Variants in SEPTIN9 observed in about 807,000 individuals in gnomAD.
SEPTIN9 encodes septin-9.
A neutral mutation model predicts 56.6 loss-of-function variants in SEPTIN9; 13 were observed. The ratio of observed to expected loss-of-function variants is 0.23; its 90% CI spans 0.15 to 0.37. The LOEUF (loss-of-function observed/expected upper bound fraction) is 0.37, where lower values mean the gene tolerates loss of function less well. Ranked by LOEUF, SEPTIN9 falls within the 10% of genes least tolerant of loss-of-function variation. The pLI is 1.00. For synonymous variants in SEPTIN9, 332 were observed against 334.1 expected (o/e 0.99, Z 0.07); for missense variants, 650 against 823.1 (o/e 0.79, Z 2.57).
chr17:77,302,580 AG>A (rs1463877957), intron 1 of SEPTIN9, among the ~76,000 whole-genome samples: 1 of 152,180 alleles, frequency 6.6e-6, no homozygotes, highest in Non-Finnish European at 1.5e-5. Context: ...CAGGAGGTTG[AG>A]GCAGGAGAAT....
At position 77,447,159 on chromosome 17, in the gene SEPTIN9, A is replaced by G. The variant is rs34163382; in HGVS notation, c.722-34985A>G. On this transcript the variant is annotated intron_variant, in intron 3 of 11. Transcript: ENST00000427177. ...CTGTGTGACTTTAAAATAAATAAAC[A>G]TGAGCACGATGAGTTGCTTATTGGA... 7.1e-3 allele frequency: 1,179 copies of G among 167,144 alleles called. 19 individuals are homozygous for G. The highest frequency in any genetic ancestry group is 0.056 in the South Asian group (273 of 4,832). The allele number at this position is 167,144 out of a possible 1,614,324, so 10.4% of individuals were successfully genotyped here.
intron 2 of SEPTIN9, among the ~76,000 whole-genome samples, chr17:77,396,517 C>T (rs1046776612): frequency 6.6e-6 from 1 of 152,142 alleles, no homozygotes; most frequent in Non-Finnish European, 1.5e-5. Flanking sequence ...GGACCTGCTA[C>T]CCCTGGGCAG....
chr17:77,357,019 C>T (rs1275176747), intron 2 of SEPTIN9, among the ~76,000 whole-genome samples: 3 of 151,870 alleles, frequency 2.0e-5, no homozygotes, highest in East Asian at 2.0e-4. Flanking sequence ...CGTCCAGAAG[C>T]ATCAACCTGG....
At chr17:77,337,018 T>TA (rs942894048) in intron 2 of SEPTIN9, among the ~76,000 whole-genome samples, 219 of 132,618 alleles carry the variant, frequency 1.7e-3, no homozygotes, top group African/African-American at 5.6e-3. Flanking sequence ...TTTTTTTTTT[T>TA]AAAGAAACAG....
At chr17:77,303,715 T>C (rs1166076123) in intron 1 of SEPTIN9, among the ~76,000 whole-genome samples, 1 of 150,012 alleles carries the variant, frequency 6.7e-6, no homozygotes, top group African/African-American at 2.5e-5. Context: ...AATAATAATA[T>C]CACTTATTGA....
chr17:77,462,814 G>C (rs12450489), intron 3 of SEPTIN9, among the ~76,000 whole-genome samples: 9,943 of 152,078 alleles, frequency 0.065, 491 homozygotes, highest in Admixed American at 0.14. Context: ...GCTGATTTTT[G>C]TATTTTTAGT....
Position 77,500,289 on chromosome 17 carries a change from GT to G in SEPTIN9, c.*1636del. On this transcript the variant is annotated 3_prime_UTR_variant, in exon 12 of 12. Coordinates refer to ENST00000427177, the MANE Select transcript of SEPTIN9 (RefSeq NM_001113491.2). ...ACAGTTTACTTTGCCAACTTGCCAT[GT>G]TTTTGCCAAAACCAAGATTTTGAAG... The G allele has an allele frequency of 5.4e-6, 1 of 184,172 alleles. No homozygotes were observed. Among genetic ancestry groups the G allele is most frequent in the Non-Finnish European group, 1.1e-5 (1 of 88,510 alleles). 11.4% of individuals were successfully genotyped at this position (184,172 alleles called of 1,614,324 possible). A position where few individuals can be genotyped will look rare whatever the true frequency, so the allele number is the denominator to read the frequency against.
chr17:77,338,022 C>T (rs1402671282), intron 2 of SEPTIN9, among the ~76,000 whole-genome samples: 1 of 152,040 alleles, frequency 6.6e-6, no homozygotes, highest in East Asian at 1.9e-4. Context: ...CATGGTGAAA[C>T]CTCATCTCTA....
chr17:77,398,223 C>T (rs980248280), intron 2 of SEPTIN9, among the ~76,000 whole-genome samples: 4 of 152,118 alleles, frequency 2.6e-5, no homozygotes, highest in Non-Finnish European at 5.9e-5. Context: ...GATCTGTCCA[C>T]CTTGGCTTCC....
chr17:77,288,360 C>T, intron 1 of SEPTIN9: 1 of 346,862 alleles, frequency 2.9e-6, no homozygotes. Context: ...TCCCTGAATG[C>T]CATGCCTGGG....
At chr17:77,388,549 C>A (rs182681246) in intron 2 of SEPTIN9, among the ~76,000 whole-genome samples, 1 of 152,210 alleles carries the variant, frequency 6.6e-6, no homozygotes, top group African/African-American at 2.4e-5. Context: ...CCCAGCTTGG[C>A]GCGCTTTGGA....
rs772897487 is a variant in SEPTIN9, at chr17:77,497,350, C to A, written c.1609C>A (p.Arg537=). 1.2e-6 allele frequency: 2 copies of A among 1,613,774 alleles called. No homozygotes were observed. The highest frequency in any genetic ancestry group is 2.2e-5 in the South Asian group (2 of 90,992). The change falls in exon 11 of 12, where the codon CGG becomes AGG. Residue 537 remains arginine, a synonymous_variant. Transcript: ENST00000427177. ...CACACACTGTGAGTTTGCCTACCTG[C>A]GGGACCTTCTCATCAGGTGAGAGAC... ...NTTHCEFAYL[R]DLLIRTHMQN...
chr17:77,295,136 C>T lies in SEPTIN9; in HGVS notation c.20-12005C>T, dbSNP rs572282759. Among the ~76,000 whole-genome samples the T allele has an allele frequency of 1.1e-4, 16 of 152,214 alleles. No homozygotes were observed. The East Asian group carries it at 2.1e-3, about 20-fold the overall frequency. ...GCAGGAACTCAAGACTGGAAATGAACGGGGACGTTAATTGATTGTAGGGAA... is the reference window on the plus strand; with the variant it reads ...GCAGGAACTCAAGACTGGAAATGAATGGGGACGTTAATTGATTGTAGGGAA... On this transcript the variant is annotated intron_variant, in intron 1 of 11. Coordinates refer to ENST00000427177, the MANE Select transcript of SEPTIN9 (RefSeq NM_001113491.2).
At chr17:77,349,629 C>T (rs1470310215) in intron 2 of SEPTIN9, among the ~76,000 whole-genome samples, 2 of 152,208 alleles carry the variant, frequency 1.3e-5, no homozygotes, top group East Asian at 3.8e-4. Context: ...TTGCTCAGTA[C>T]CTACCTCTGG....
intron 2 of SEPTIN9, among the ~76,000 whole-genome samples, chr17:77,328,212 G>A (rs2033221247): frequency 6.6e-6 from 1 of 152,118 alleles, no homozygotes; most frequent in Non-Finnish European, 1.5e-5. Flanking sequence ...GTGTCCCCAT[G>A]CCCAGGCACT....
chr17:77,322,876 T>A (rs1337486512), intron 2 of SEPTIN9: 1 of 152,362 alleles, frequency 6.6e-6, no homozygotes, highest in African/African-American at 2.4e-5. Flanking sequence ...GGAGGAGCCA[T>A]GGGGAGGACG....
rs374061936 is a variant in SEPTIN9 at position 77,487,588 on chromosome 17, C to A, written c.1042+36C>A. On this transcript the variant is annotated intron_variant, in intron 5 of 11. Transcript: ENST00000427177. This position sits in a 1 kb window ranked among gnomAD's most constrained non-coding sequence, Gnocchi z 4.3. Reference sequence around the variant, plus strand: ...GGGAGTGGGCTGGGGGTGCAGGACGCCCCTGCCTTCCTGGAGCACAGGGGT... The same window carrying A: ...GGGAGTGGGCTGGGGGTGCAGGACGACCCTGCCTTCCTGGAGCACAGGGGT... The A allele has an allele frequency of 1.1e-5, 18 of 1,600,670 alleles. No individual in the cohort carries two copies. The African/African-American group carries it at 2.1e-4, about 18-fold the overall frequency.
At chr17:77,311,664 G>A (rs779338749) in intron 2 of SEPTIN9, among the ~76,000 whole-genome samples, 1 of 152,184 alleles carries the variant, frequency 6.6e-6, no homozygotes, top group Non-Finnish European at 1.5e-5. Flanking sequence ...GACAGAAAAT[G>A]CCAGAAGGGT....
intron 1 of SEPTIN9, among the ~76,000 whole-genome samples, chr17:77,298,551 C>A (rs901565270): frequency 3.5e-4 from 54 of 152,154 alleles, no homozygotes; most frequent in African/African-American, 1.3e-3. Flanking sequence ...ATGGGAAAAC[C>A]CTACATGGGA....
Sources: allele counts gnomAD v4.1 joint callset (sites outside exome capture counted in the v4.1 genomes callset), GRCh38; gene constraint gnomAD v4.1.1; non-coding constraint Gnocchi (gnomAD v3.1); transcripts MANE v1.5; gene names NCBI Gene and HGNC (gene_info 2026-07-23, HGNC 2026-07-21).